ANO6: variants seen among roughly 807,000 people sequenced by gnomAD.
ANO6 encodes the protein anoctamin-6.
A neutral mutation model predicts 117.5 loss-of-function variants in ANO6; 106 were observed. That is an observed-to-expected ratio of 0.90 (90% CI 0.77 to 1.06). The LOEUF (loss-of-function observed/expected upper bound fraction) is 1.06, where lower values mean the gene tolerates loss of function less well. ANO6 is among the 50% of genes least tolerant of loss of function. The probability of loss-of-function intolerance (pLI) is 0.00; values close to 1 mark genes in which losing one functional copy is unlikely to be tolerated. For missense variants in ANO6, 955 were observed against 1,121.1 expected, an observed-to-expected ratio of 0.85 and a Z score of 2.12; for synonymous variants, 367 against 385.1, an observed-to-expected ratio of 0.95 and a Z score of 0.55.
In ANO6 at chr12:45,291,622, G is replaced by T. The variant is rs547665167; in HGVS notation, c.71-10392G>T. 3.1e-4 allele frequency among the ~76,000 whole-genome samples: 47 copies of T among 152,232 alleles called. No homozygotes were observed. The South Asian group carries it at 9.7e-3, about 32-fold the overall frequency. On this transcript the variant is annotated intron_variant, in intron 1 of 19. Coordinates refer to ENST00000320560, the MANE Select transcript of ANO6 (RefSeq NM_001025356.3). ...TGAACACAGCAAAAAGACAGACTCA[G>T]TTGGAAAATAGGCAAAGGACTTGAG...
At chr12:45,223,474 G>C (rs562644561) in intron 1 of ANO6, among the ~76,000 whole-genome samples, 1 of 152,236 alleles carries the variant, frequency 6.6e-6, no homozygotes, top group South Asian at 2.1e-4. Flanking sequence ...AAAACACTTA[G>C]TGTTTTTCTG....
Position 45,308,031 on chromosome 12 carries a change from CTGTGTGTGTG to C in ANO6, c.150+5944_150+5953del, listed in dbSNP as rs530448808. Reference sequence around the variant, plus strand: ...TTAGGTAACACTTCCGTGTGTGTGTCTGTGTGTGTGTGTGTAATTTTTTTTTTTTTTTTTT... The same window carrying C: ...TTAGGTAACACTTCCGTGTGTGTGTCTGTGTAATTTTTTTTTTTTTTTTTT... On this transcript the variant is annotated intron_variant, in intron 2 of 19. Transcript: ENST00000320560. 4.2e-5 allele frequency among the ~76,000 whole-genome samples: 5 copies of C among 117,702 alleles called. No individual in the cohort carries two copies. In the East Asian group the frequency reaches 1.0e-3, roughly 24 times the overall value. 77.2% of individuals were successfully genotyped at this position (117,702 alleles called of 152,430 possible).
rs1943622377 is a variant in ANO6, at chr12:45,431,130, G to C, written c.*1819G>C. The stretch of plus-strand genomic sequence containing the variant: ...AGTGGATCCGGGACCCCATTTCACT[G>C]TCTCTCTTGATCGTGTTAATGATGC... On this transcript the variant is annotated 3_prime_UTR_variant, in exon 20 of 20. Coordinates refer to ENST00000320560, the MANE Select transcript of ANO6 (RefSeq NM_001025356.3). 1.0e-6 allele frequency: 1 copy of C among 985,300 alleles called. No individual in the cohort carries two copies. Among genetic ancestry groups the C allele is most frequent in the Non-Finnish European group, 1.2e-6 (1 of 829,830 alleles). 61.0% of individuals were successfully genotyped at this position (985,300 alleles called of 1,614,324 possible). A position where few individuals can be genotyped will look rare whatever the true frequency, so the allele number is the denominator to read the frequency against.
chr12:45,222,496 C>G lies in ANO6; in HGVS notation c.70+6105C>G, dbSNP rs561304146. Among the ~76,000 whole-genome samples the G allele has an allele frequency of 3.9e-5, 6 of 152,206 alleles. No homozygotes were observed. The South Asian group carries it at 1.2e-3, about 32-fold the overall frequency. On this transcript the variant is annotated intron_variant, in intron 1 of 19. Transcript: ENST00000320560. ...CATAGTAATTTCAGCCTCACCTCCTCTTTTTCTCAGTGGTTCCCTGTGATA... is the reference window on the plus strand; with the variant it reads ...CATAGTAATTTCAGCCTCACCTCCTGTTTTTCTCAGTGGTTCCCTGTGATA...
intron 1 of ANO6, among the ~76,000 whole-genome samples, chr12:45,283,602 A>AT (rs1488313755): frequency 5.3e-5 from 8 of 152,170 alleles, no homozygotes; most frequent in Non-Finnish European, 8.8e-5. Context: ...AATAGCATCT[A>AT]TTTTTTCTAC....
At position 45,288,706 on chromosome 12, in the gene ANO6, C is replaced by T. The variant is rs1938996032; in HGVS notation, c.71-13308C>T. Among the ~76,000 whole-genome samples the T allele has an allele frequency of 2.6e-5, 4 of 152,242 alleles. No individual in the cohort carries two copies. The South Asian group carries it at 8.3e-4, about 32-fold the overall frequency. ...CAAATATTTGTTAGAGCTCCTACTT[C>T]TAATTCTTTTGGGTATATATTATAA... On this transcript the variant is annotated intron_variant, in intron 1 of 19. Coordinates refer to ENST00000320560, the MANE Select transcript of ANO6 (RefSeq NM_001025356.3).
At chr12:45,340,216 T>G (rs1940942036) in intron 3 of ANO6, among the ~76,000 whole-genome samples, 1 of 152,132 alleles carries the variant, frequency 6.6e-6, no homozygotes, top group Non-Finnish European at 1.5e-5. Flanking sequence ...ATTCTTTATT[T>G]CCCTGACAGC....
At chr12:45,262,215 T>C (rs901547141) in intron 1 of ANO6, among the ~76,000 whole-genome samples, 78 of 152,194 alleles carry the variant, frequency 5.1e-4, no homozygotes, top group African/African-American at 1.6e-3. Context: ...TTTAAAAAAA[T>C]GCAAATGTAG....
intron 1 of ANO6, among the ~76,000 whole-genome samples, chr12:45,227,145 T>G (rs1453246617): frequency 6.6e-6 from 1 of 151,936 alleles, no homozygotes; most frequent in Admixed American, 6.6e-5. Flanking sequence ...CACGCCACCA[T>G]GCCTGGCTAA....
chr12:45,229,772 C>A (rs1565632947), intron 1 of ANO6, among the ~76,000 whole-genome samples: 1 of 152,036 alleles, frequency 6.6e-6, no homozygotes, highest in Admixed American at 6.6e-5. Flanking sequence ...TGGAGACCTG[C>A]CACTACTTAA....
At chr12:45,421,976 C>G (rs1943377354) in intron 18 of ANO6, among the ~76,000 whole-genome samples, 1 of 152,152 alleles carries the variant, frequency 6.6e-6, no homozygotes, top group Non-Finnish European at 1.5e-5. Context: ...CTCCTCAAAG[C>G]CTTCACTAAC....
In ANO6 at chr12:45,348,537, G is replaced by A. The variant is rs1341945602; in HGVS notation, c.653G>A (p.Arg218Gln). 3.7e-6 allele frequency: 6 copies of A among 1,613,704 alleles called. No individual in the cohort carries two copies. Among genetic ancestry groups the A allele is most frequent in the South Asian group, 3.3e-5 (3 of 91,066 alleles). ...RSRIVYFILS[R>Q]VKYQVINNVS... The stretch of plus-strand genomic sequence containing the variant: ...TTTTAGGTTTACTTCATCCTCTCTC[G>A]GGTCAAGTATCAAGTGATAAACAAT... Residue 218 changes from arginine to glutamine, a missense_variant, in exon 6 of 20, where the codon CGG becomes CAG. By Grantham distance (43) the Arg-to-Gln change is conservative. Coordinates refer to ENST00000320560, the MANE Select transcript of ANO6 (RefSeq NM_001025356.3).
chr12:45,353,020 T>G (rs1232738927), intron 7 of ANO6, among the ~76,000 whole-genome samples: 1 of 143,696 alleles, frequency 7.0e-6, no homozygotes, highest in African/African-American at 3.0e-5. Flanking sequence ...AAGTAATTTG[T>G]GTAGTTGCAT....
intron 1 of ANO6, among the ~76,000 whole-genome samples, chr12:45,264,377 ATTGT>A (rs1464453701): frequency 1.3e-5 from 2 of 152,158 alleles, no homozygotes; most frequent in African/African-American, 4.8e-5. Flanking sequence ...TTGACAGTTG[ATTGT>A]TCTCTTCATC....
At chr12:45,331,218 G>A (rs1407207039) in intron 2 of ANO6, 77 bp from the exon 3 acceptor site, 2 of 1,321,532 alleles carry the variant, frequency 1.5e-6, no homozygotes, top group Non-Finnish European at 2.1e-6. Flanking sequence ...ACCTATTAAA[G>A]CTTGAAAATT....
chr12:45,255,314 A>G (rs1474906305), intron 1 of ANO6, among the ~76,000 whole-genome samples: 1 of 152,182 alleles, frequency 6.6e-6, no homozygotes, highest in East Asian at 1.9e-4. Context: ...ATCTTGGCCA[A>G]CATGGTGAAA....
chr12:45,345,465 A>C (rs761283428), intron 3 of ANO6, among the ~76,000 whole-genome samples: 1 of 152,140 alleles, frequency 6.6e-6, no homozygotes, highest in Admixed American at 6.6e-5. Flanking sequence ...TGCCAGACCC[A>C]CTAGATGATC....
chr12:45,337,770 G>A (rs1940868306), intron 3 of ANO6, among the ~76,000 whole-genome samples: 1 of 151,956 alleles, frequency 6.6e-6, no homozygotes, highest in Non-Finnish European at 1.5e-5. Context: ...AAACTGCTAA[G>A]GAGTAGATTT....
In ANO6 at chr12:45,308,048, A is replaced by ATTTTTT. The variant is rs1218638312; in HGVS notation, c.150+5974_150+5979dup. Among the ~76,000 whole-genome samples, 290 of 69,294 alleles carry ATTTTTT rather than the reference A, an allele frequency of 4.2e-3. 68 individuals carry two copies. The highest frequency in any genetic ancestry group is 0.012 in the African/African-American group (217 of 18,334). 45.5% of individuals were successfully genotyped at this position (69,294 alleles called of 152,430 possible). On this transcript the variant is annotated intron_variant, in intron 2 of 19. Transcript: ENST00000320560. ...GTGTGTGTCTGTGTGTGTGTGTGTA[A>ATTTTTT]TTTTTTTTTTTTTTTTTTTTTTTTG...
Sources: allele counts gnomAD v4.1 joint callset (sites outside exome capture counted in the v4.1 genomes callset), GRCh38; gene constraint gnomAD v4.1.1; transcripts MANE v1.5; gene names NCBI Gene and HGNC (gene_info 2026-07-23, HGNC 2026-07-21).